Variants in DLG2 observed in about 807,000 individuals in gnomAD.
DLG2 encodes discs large MAGUK scaffold protein 2.
DLG2 carries 45 observed loss-of-function variants against 132.5 expected under a neutral mutation model. The observed-to-expected ratio is 0.34, with a 90% CI of 0.27 to 0.44. DLG2 has a LOEUF of 0.44. Among genes scored for constraint, DLG2 ranks in the 20% least tolerant of loss-of-function variants. The pLI, the probability that DLG2 is intolerant of heterozygous loss-of-function variation, is 1.00. For missense variants in DLG2, 1,045 were observed against 1,196.9 expected, an observed-to-expected ratio of 0.87 and a Z score of 1.87; for synonymous variants, 424 against 419.6, an observed-to-expected ratio of 1.01 and a Z score of -0.13.
intron 6 of DLG2, among the ~76,000 whole-genome samples, chr11:84,860,184 C>T (rs372519660): frequency 3.6e-4 from 55 of 152,214 alleles, no homozygotes; most frequent in Middle Eastern, 6.8e-3. Flanking sequence ...ATTGTATTGG[C>T]TCATAAGCTA....
At chr11:85,429,764 T>G (rs1027046988) in intron 3 of DLG2, among the ~76,000 whole-genome samples, 1 of 152,226 alleles carries the variant, frequency 6.6e-6, no homozygotes, top group Non-Finnish European at 1.5e-5. Context: ...TTGGTGGGAC[T>G]GTAAACTAGT....
At chr11:85,460,494 T>G (rs1041432849) in intron 3 of DLG2, among the ~76,000 whole-genome samples, 11 of 152,206 alleles carry the variant, frequency 7.2e-5, no homozygotes, top group African/African-American at 2.7e-4. Context: ...ATGCCACTCC[T>G]GGGTGGGCAG....
chr11:84,792,452 G>T lies in DLG2; in HGVS notation c.358-257721C>A, dbSNP rs186890457. On this transcript the variant is annotated intron_variant, in intron 6 of 27. Coordinates refer to ENST00000376104, the MANE Select transcript of DLG2 (RefSeq NM_001142699.3). ...ATACTGGCCGTATAGAATGAAATTG[G>T]AAGTATTCCTTTCTCTTCTTTTTTT... Among the ~76,000 whole-genome samples, 16 of 152,246 alleles carry T rather than the reference G, an allele frequency of 1.1e-4. No individual in the cohort carries two copies. In the East Asian group the frequency reaches 2.9e-3, roughly 28 times the overall value.
chr11:84,297,251 G>A (rs2098103206), intron 7 of DLG2, among the ~76,000 whole-genome samples: 1 of 152,034 alleles, frequency 6.6e-6, no homozygotes, highest in African/African-American at 2.4e-5. Context: ...AAAGAACAAG[G>A]GTAGTGAGTG....
intron 6 of DLG2, among the ~76,000 whole-genome samples, chr11:84,591,252 T>TGTGTGTGTGC (rs2099542382): frequency 2.0e-5 from 3 of 151,248 alleles, no homozygotes; most frequent in Non-Finnish European, 4.4e-5. Flanking sequence ...TGTGTGTGTG[T>TGTGTGTGTGC]GTGTGCGCGT....
At chr11:85,263,323 GCTCTCTTC>G (rs1267188840) in intron 4 of DLG2, among the ~76,000 whole-genome samples, 1 of 152,212 alleles carries the variant, frequency 6.6e-6, no homozygotes, top group African/African-American at 2.4e-5. Context: ...TGGCTGGCTG[GCTCTCTTC>G]ATGGGAGAAT....
chr11:83,455,371 A>G lies in DLG2; in HGVS notation c.*4447T>C, dbSNP rs2088784587. 6.6e-6 allele frequency: 1 copy of G among 152,642 alleles called. No homozygotes were observed. Among genetic ancestry groups the G allele is most frequent in the African/African-American group, 2.4e-5 (1 of 41,574 alleles). 9.5% of individuals were successfully genotyped at this position (152,642 alleles called of 1,614,324 possible). A position where few individuals can be genotyped will look rare whatever the true frequency, so the allele number is the denominator to read the frequency against. On this transcript the variant is annotated 3_prime_UTR_variant, in exon 28 of 28. Transcript: ENST00000376104. ...TCAGAGAGAAGCACAAAACTGTCAT[A>G]TTGAAAGGATCTAACGGGTACAGCC...
intron 4 of DLG2, among the ~76,000 whole-genome samples, chr11:85,237,219 TAC>T (rs2075633582): frequency 6.6e-6 from 1 of 152,072 alleles, no homozygotes; most frequent in African/African-American, 2.4e-5. Flanking sequence ...TTCATAAATT[TAC>T]AGGGAAAGCT....
chr11:85,144,588 TG>T (rs2076720021), intron 5 of DLG2, among the ~76,000 whole-genome samples: 1 of 151,906 alleles, frequency 6.6e-6, no homozygotes, highest in African/African-American at 2.4e-5. Context: ...GTATCTGTTG[TG>T]GGTTTTTTGA....
rs2098610111 is a variant in DLG2, at chr11:84,356,174, G to A, written c.520-104883C>T. On this transcript the variant is annotated intron_variant, in intron 7 of 27. Coordinates refer to ENST00000376104, the MANE Select transcript of DLG2 (RefSeq NM_001142699.3). ...GTTTTTGGTTTTGGTGGGGAAAGCA[G>A]TCCACTTTATCCATTTCTATAGCAG... Among the ~76,000 whole-genome samples, 4 of 152,086 alleles carry A rather than the reference G, an allele frequency of 2.6e-5. No homozygotes were observed. In the South Asian group the frequency reaches 8.3e-4, roughly 32 times the overall value.
chr11:83,506,010 T>G (rs963531410), intron 21 of DLG2, among the ~76,000 whole-genome samples: 5 of 152,170 alleles, frequency 3.3e-5, no homozygotes, highest in African/African-American at 1.2e-4. Context: ...AGGACCTACT[T>G]GAGACCAATC....
At chr11:84,700,687 A>G (rs988817992) in intron 6 of DLG2, among the ~76,000 whole-genome samples, 1 of 151,656 alleles carries the variant, frequency 6.6e-6, no homozygotes. Flanking sequence ...CTTGCTCAGT[A>G]TCACTCAGTG....
intron 6 of DLG2, among the ~76,000 whole-genome samples, chr11:85,104,061 G>A (rs1230686611): frequency 2.6e-5 from 4 of 151,726 alleles, no homozygotes; most frequent in South Asian, 2.1e-4. Context: ...AGGTAATAAC[G>A]AGTGTTTGTG....
intron 7 of DLG2, among the ~76,000 whole-genome samples, chr11:84,462,619 T>C (rs559407662): frequency 6.6e-6 from 1 of 151,168 alleles, no homozygotes; most frequent in South Asian, 2.1e-4. Context: ...AAAATATAAG[T>C]ATTAAGAGGG....
At chr11:83,821,553 G>A (rs2050795179) in intron 17 of DLG2, among the ~76,000 whole-genome samples, 1 of 152,138 alleles carries the variant, frequency 6.6e-6, no homozygotes, top group Non-Finnish European at 1.5e-5. Flanking sequence ...ATCAGCCCCT[G>A]AAGGTGAGAA....
chr11:84,694,642 A>C (rs1256201256), intron 6 of DLG2, among the ~76,000 whole-genome samples: 1 of 151,548 alleles, frequency 6.6e-6, no homozygotes, highest in African/African-American at 2.4e-5. Flanking sequence ...AATAAGCCAT[A>C]ATTTCAAAAA....
At chr11:84,991,508 C>CAAA (rs760113916) in intron 6 of DLG2, among the ~76,000 whole-genome samples, 33 of 108,704 alleles carry the variant, frequency 3.0e-4, no homozygotes, top group Non-Finnish European at 4.1e-4. Flanking sequence ...GACACCTTCT[C>CAAA]AAAAAAAAAA....
At position 84,310,379 on chromosome 11, in the gene DLG2, T is replaced by C. The variant is rs895464273; in HGVS notation, c.520-59088A>G. Among the ~76,000 whole-genome samples, 8 of 152,316 alleles carry C rather than the reference T, an allele frequency of 5.3e-5. 1 individual carries two copies. The highest frequency in any genetic ancestry group is 2.6e-4 in the Admixed American group (4 of 15,298). ...TAACAACATCACTCTGTTAGTGTTA[T>C]TGGGAAAATTGAAGGAAATGACTAA... is the stretch of plus-strand genomic sequence containing the variant. On this transcript the variant is annotated intron_variant, in intron 7 of 27. Transcript: ENST00000376104.
At chr11:84,964,311 T>A (rs992182172) in intron 6 of DLG2, among the ~76,000 whole-genome samples, 4 of 152,114 alleles carry the variant, frequency 2.6e-5, no homozygotes, top group Admixed American at 2.0e-4. Context: ...ATCCTTGGCA[T>A]TTTTACTGAA....
Sources: gnomAD v4.1 joint callset for allele counts (sites outside exome capture counted in the v4.1 genomes callset) on GRCh38, gnomAD v4.1.1 for gene constraint, MANE v1.5 for transcripts, NCBI Gene and HGNC (gene_info 2026-07-23, HGNC 2026-07-21) for gene names.